FHIT: variants seen among roughly 807,000 people sequenced by gnomAD.
FHIT encodes the protein bis(5'-adenosyl)-triphosphatase.
In FHIT, 19 loss-of-function variants were observed where a neutral mutation model predicts 17.9. The ratio of observed to expected loss-of-function variants is 1.06; its 90% CI spans 0.74 to 1.56. The LOEUF is 1.56. FHIT is among the 40% of genes most tolerant of loss of function. The pLI is 0.00. For synonymous variants in FHIT, 81 were observed against 69.7 expected (o/e 1.16, Z -0.81); for missense variants, 248 against 189.2 (o/e 1.31, Z -1.82).
At chr3:60,210,864 G>A (rs1703417788) in intron 5 of FHIT, among the ~76,000 whole-genome samples, 1 of 152,158 alleles carries the variant, frequency 6.6e-6, no homozygotes, top group Non-Finnish European at 1.5e-5. Context: ...AATTACATAT[G>A]TATTTATCCT....
chr3:61,170,306 T>C (rs902616658), intron 2 of FHIT, among the ~76,000 whole-genome samples: 2 of 152,218 alleles, frequency 1.3e-5, no homozygotes, highest in Non-Finnish European at 2.9e-5. Flanking sequence ...TGAATCTATA[T>C]GTAAATAATC....
chr3:60,996,642 T>C (rs996379019), intron 3 of FHIT, among the ~76,000 whole-genome samples: 3 of 152,226 alleles, frequency 2.0e-5, no homozygotes, highest in Admixed American at 2.0e-4. Context: ...CACGACCACA[T>C]ACTCACATAC....
At chr3:60,810,160 C>T (rs1701530339) in intron 4 of FHIT, among the ~76,000 whole-genome samples, 1 of 152,126 alleles carries the variant, frequency 6.6e-6, no homozygotes, top group African/African-American at 2.4e-5. Context: ...ACAGTTATGG[C>T]ACAAGAAAAT....
chr3:60,165,143 G>A (rs1701114935), intron 5 of FHIT, among the ~76,000 whole-genome samples: 2 of 152,176 alleles, frequency 1.3e-5, no homozygotes, highest in Admixed American at 1.3e-4. Flanking sequence ...AACAGGAACA[G>A]CAGGCTGTGA....
intron 7 of FHIT, among the ~76,000 whole-genome samples, chr3:59,969,787 G>A (rs1708094941): frequency 6.6e-6 from 1 of 152,014 alleles, no homozygotes; most frequent in Non-Finnish European, 1.5e-5. Flanking sequence ...CCTCAAAAGC[G>A]AGATATTTTC....
intron 5 of FHIT, among the ~76,000 whole-genome samples, chr3:60,475,823 A>G (rs1576722080): frequency 6.6e-6 from 1 of 152,232 alleles, no homozygotes; most frequent in East Asian, 1.9e-4. Context: ...GGTCATAATC[A>G]AAATGCAGTT....
rs185829209 is a variant in FHIT at position 60,951,484 on chromosome 3, C to T, written c.-111+90563G>A. Among the ~76,000 whole-genome samples, 182 of 152,176 alleles carry T rather than the reference C, an allele frequency of 1.2e-3. 3 individuals carry two copies. The highest frequency in any genetic ancestry group is 1.9e-3 in the Non-Finnish European group (131 of 68,004). ...ACCAAAAGGAACCGTAACAAGCAAACGAAGAGGAAAAACCTAGCAGGGTAA... is the reference window on the plus strand; with the variant it reads ...ACCAAAAGGAACCGTAACAAGCAAATGAAGAGGAAAAACCTAGCAGGGTAA... On this transcript the variant is annotated intron_variant, in intron 3 of 9. Coordinates refer to ENST00000492590, the MANE Select transcript of FHIT (RefSeq NM_002012.4).
intron 4 of FHIT, among the ~76,000 whole-genome samples, chr3:60,679,741 T>G (rs1614618): frequency 0.81 from 122,590 of 151,828 alleles, 50,846 homozygotes; most frequent in Non-Finnish European, 0.91. Flanking sequence ...CAAAAAACAT[T>G]AAAAAATTCT....
chr3:60,281,331 A>G (rs1302214409), intron 5 of FHIT, among the ~76,000 whole-genome samples: 1 of 152,164 alleles, frequency 6.6e-6, no homozygotes, highest in East Asian at 1.9e-4. Context: ...GAATATCAAA[A>G]AGCTGATTGT....
intron 4 of FHIT, among the ~76,000 whole-genome samples, chr3:60,769,385 C>T (rs1160828868): frequency 6.6e-6 from 1 of 152,170 alleles, no homozygotes; most frequent in East Asian, 1.9e-4. Flanking sequence ...GAACAAATCA[C>T]TCATTTTGCT....
chr3:60,166,938 A>T (rs992720871), intron 5 of FHIT, among the ~76,000 whole-genome samples: 1 of 152,182 alleles, frequency 6.6e-6, no homozygotes, highest in Non-Finnish European at 1.5e-5. Context: ...GACCTTATCC[A>T]TGTGGCTGAC....
intron 4 of FHIT, among the ~76,000 whole-genome samples, chr3:60,590,647 G>A (rs1359016899): frequency 6.6e-6 from 1 of 152,104 alleles, no homozygotes; most frequent in South Asian, 2.1e-4. Flanking sequence ...TGCAACTTCT[G>A]TGTGCATGCC....
At chr3:60,722,355 A>G (rs2041825709) in intron 4 of FHIT, among the ~76,000 whole-genome samples, 1 of 152,220 alleles carries the variant, frequency 6.6e-6, no homozygotes, top group Admixed American at 6.5e-5. Context: ...GTAATAAGAA[A>G]AGAGAGCAGG....
chr3:59,810,525 A>G (rs1182747260), intron 8 of FHIT, among the ~76,000 whole-genome samples: 1 of 152,242 alleles, frequency 6.6e-6, no homozygotes, highest in Non-Finnish European at 1.5e-5. Context: ...TAGAATAAGA[A>G]ATAACTTACC....
chr3:60,921,372 T>C (rs1413394920), intron 3 of FHIT, among the ~76,000 whole-genome samples: 1 of 152,144 alleles, frequency 6.6e-6, no homozygotes, highest in East Asian at 1.9e-4. Context: ...TAAATAAGGC[T>C]GGGTTGATTA....
rs1390675032 is a variant in FHIT, at chr3:60,842,643, A to AT, written c.-110-20633dup. 3.6e-3 allele frequency among the ~76,000 whole-genome samples: 174 copies of AT among 48,212 alleles called. 1 individual carries two copies. Among genetic ancestry groups the AT allele is most frequent in the Non-Finnish European group, 4.7e-3 (101 of 21,360 alleles). The allele number at this position is 48,212 out of a possible 152,430, so 31.6% of individuals were successfully genotyped here. A position where few individuals can be genotyped will look rare whatever the true frequency, so the allele number is the denominator to read the frequency against. Reference sequence around the variant, plus strand: ...TATATATGAGTGTATATATATATATATATTTTTTTTTTTTTTTTTTTCCCT... The same window carrying AT: ...TATATATGAGTGTATATATATATATATTATTTTTTTTTTTTTTTTTTTCCCT... On this transcript the variant is annotated intron_variant, in intron 3 of 9. Coordinates refer to ENST00000492590, the MANE Select transcript of FHIT (RefSeq NM_002012.4).
chr3:60,331,955 T>C (rs1431881970), intron 5 of FHIT, among the ~76,000 whole-genome samples: 1 of 152,040 alleles, frequency 6.6e-6, no homozygotes, highest in Non-Finnish European at 1.5e-5. Flanking sequence ...TAAGGTACAA[T>C]TGTCCTGAAT....
At chr3:60,877,573 G>A (rs1370203096) in intron 3 of FHIT, among the ~76,000 whole-genome samples, 4 of 152,166 alleles carry the variant, frequency 2.6e-5, no homozygotes, top group African/African-American at 7.2e-5. Context: ...TGTATCCCAG[G>A]TAAATGGTGC....
At chr3:61,036,901 G>GTTTTTTTTTTGTTTTTTTTTTT (rs2033269178) in intron 3 of FHIT, among the ~76,000 whole-genome samples, 3 of 70,302 alleles carry the variant, frequency 4.3e-5, no homozygotes, top group African/African-American at 9.6e-5. Flanking sequence ...AGTCTGCTTT[G>GTTTTTTTTTTGTTTTTTTTTTT]TTTTTTTTTT....
Sources: allele counts gnomAD v4.1 joint callset (sites outside exome capture counted in the v4.1 genomes callset), GRCh38; gene constraint gnomAD v4.1.1; transcripts MANE v1.5; gene names NCBI Gene and HGNC (gene_info 2026-07-23, HGNC 2026-07-21).